FRMD4B: variants seen among roughly 807,000 people sequenced by gnomAD.
FRMD4B encodes FERM domain containing 4B, also known as FERM domain-containing protein 4B.
A neutral mutation model predicts 141.5 loss-of-function variants in FRMD4B; 74 were observed. The observed-to-expected ratio is 0.52, with a 90% CI of 0.43 to 0.63. The LOEUF is 0.63. FRMD4B is among the 30% of genes least tolerant of loss of function. The pLI is 0.00. For synonymous variants in FRMD4B, 506 were observed against 467.9 expected (o/e 1.08, Z -1.05); for missense variants, 1,366 against 1,253.4 (o/e 1.09, Z -1.36).
intron 1 of FRMD4B, among the ~76,000 whole-genome samples, chr3:69,358,192 C>T (rs991138980): frequency 6.6e-6 from 1 of 152,178 alleles, no homozygotes; most frequent in Non-Finnish European, 1.5e-5. Flanking sequence ...CTTAAATTTG[C>T]ATTCACTGCA....
intron 1 of FRMD4B, among the ~76,000 whole-genome samples, chr3:69,454,383 T>G (rs908323612): frequency 1.3e-5 from 2 of 152,160 alleles, no homozygotes; most frequent in African/African-American, 4.8e-5. Context: ...GGAGCCCCTC[T>G]CTCTGGGCTG....
At chr3:69,393,144 CACT>C (rs922536970) in intron 2 of FRMD4B, among the ~76,000 whole-genome samples, 2 of 152,118 alleles carry the variant, frequency 1.3e-5, no homozygotes, top group African/African-American at 2.4e-5. Flanking sequence ...ATATATCCAC[CACT>C]AAGGCACCTA....
intron 1 of FRMD4B, among the ~76,000 whole-genome samples, chr3:69,501,231 T>C (rs975124429): frequency 6.8e-6 from 1 of 146,456 alleles, no homozygotes; most frequent in Non-Finnish European, 1.5e-5. Context: ...GGACCTTCTT[T>C]TTTTTTTTTT....
At chr3:69,407,941 G>C (rs1457365268) in intron 2 of FRMD4B, among the ~76,000 whole-genome samples, 2 of 152,110 alleles carry the variant, frequency 1.3e-5, no homozygotes, top group Non-Finnish European at 2.9e-5. Context: ...AAGGAGTTAG[G>C]GGGTCACGGA....
chr3:69,370,043 G>A (rs1010526829), intron 1 of FRMD4B, among the ~76,000 whole-genome samples: 2 of 151,780 alleles, frequency 1.3e-5, no homozygotes, highest in African/African-American at 4.8e-5. Flanking sequence ...CCAAAGAGTT[G>A]GGGAAAGCAA....
Position 69,221,714 on chromosome 3 carries a change from GA to G in FRMD4B, c.731+143del, listed in dbSNP as rs1452907899. 9 of 628,476 alleles carry G rather than the reference GA, an allele frequency of 1.4e-5. 1 individual carries two copies. The highest frequency in any genetic ancestry group is 5.5e-5 in the African/African-American group (3 of 54,568). 38.9% of individuals were successfully genotyped at this position (628,476 alleles called of 1,614,324 possible). A position where few individuals can be genotyped will look rare whatever the true frequency, so the allele number is the denominator to read the frequency against. ...GGTGACACCAATGTATAGAATGACC[GA>G]AGACATTTTCTAATTCACAGTAAGA... On this transcript the variant is annotated intron_variant, in intron 9 of 22. Transcript: ENST00000398540.
intron 1 of FRMD4B, among the ~76,000 whole-genome samples, chr3:69,521,888 C>G (rs534261234): frequency 2.6e-5 from 4 of 152,332 alleles, no homozygotes; most frequent in East Asian, 1.9e-4. Context: ...TACCTCCCCA[C>G]GTTGCACCCT....
chr3:69,371,551 G>A (rs1369710467), intron 1 of FRMD4B, among the ~76,000 whole-genome samples: 1 of 152,142 alleles, frequency 6.6e-6, no homozygotes, highest in Non-Finnish European at 1.5e-5. Flanking sequence ...TGCAGGGGCG[G>A]TTGGCATTTG....
intron 21 of FRMD4B, among the ~76,000 whole-genome samples, chr3:69,177,960 C>T (rs1406770104): frequency 6.6e-6 from 1 of 152,134 alleles, no homozygotes; most frequent in Non-Finnish European, 1.5e-5. Context: ...GTAAGTAGCA[C>T]AGGAAGGAAT....
At chr3:69,375,658 A>G (rs2106653710) in intron 1 of FRMD4B, among the ~76,000 whole-genome samples, 2 of 20,162 alleles carry the variant, frequency 9.9e-5, no homozygotes, top group East Asian at 5.2e-3. Flanking sequence ...TTTATGTGTC[A>G]TTTCTCTTAA....
chr3:69,376,468 C>G (rs900668), intron 1 of FRMD4B, among the ~76,000 whole-genome samples: 141,891 of 152,000 alleles, frequency 0.93, 66,221 homozygotes, highest in East Asian at 0.96. Context: ...GTAGCTGTTA[C>G]TCAAGTCAAG....
intron 2 of FRMD4B, among the ~76,000 whole-genome samples, chr3:69,311,661 T>C (rs969619405): frequency 6.6e-6 from 1 of 152,188 alleles, no homozygotes; most frequent in African/African-American, 2.4e-5. Flanking sequence ...AATACTCTTT[T>C]ATATGTAACG....
chr3:69,533,432 A>T (rs1265757097), intron 1 of FRMD4B, among the ~76,000 whole-genome samples: 1 of 152,202 alleles, frequency 6.6e-6, no homozygotes, highest in African/African-American at 2.4e-5. Flanking sequence ...CTTCTGCAGA[A>T]TGTGGGTTAT....
intron 5 of FRMD4B, chr3:69,250,322 T>TGTGTGTGTGTGTG: frequency 8.2e-6 from 4 of 486,504 alleles, no homozygotes; most frequent in South Asian, 2.7e-5. Context: ...TGTGTGTCTA[T>TGTGTGTGTGTGTG]TTTAAATAGC....
In FRMD4B at chr3:69,254,954, C is replaced by A. The variant is rs191182282; in HGVS notation, c.502-4855G>T. ...TGTAAAACATCTGGCTCATGCTCTTCCAAAATGCCAATATGATGAATATGA... is the reference window on the plus strand; with the variant it reads ...TGTAAAACATCTGGCTCATGCTCTTACAAAATGCCAATATGATGAATATGA... On this transcript the variant is annotated intron_variant, in intron 5 of 22. Transcript: ENST00000398540. Among the ~76,000 whole-genome samples the A allele has an allele frequency of 3.9e-5, 6 of 152,052 alleles. No individual in the cohort carries two copies. In the East Asian group the frequency reaches 1.2e-3, roughly 29 times the overall value.
At chr3:69,382,727 CTTTTTTTT>C (rs5849898) in intron 1 of FRMD4B, among the ~76,000 whole-genome samples, 5 of 133,108 alleles carry the variant, frequency 3.8e-5, no homozygotes, top group Non-Finnish European at 8.1e-5. Flanking sequence ...TAAACTGGGA[CTTTTTTTT>C]TTTTTTTTTT....
chr3:69,404,850 G>A (rs11919150), intron 2 of FRMD4B, among the ~76,000 whole-genome samples: 14 of 152,130 alleles, frequency 9.2e-5, no homozygotes, highest in Non-Finnish European at 1.6e-4. Context: ...TTATACTCAG[G>A]TATGGTTACC....
intron 11 of FRMD4B, chr3:69,200,737 T>C (rs111648423): frequency 2.0e-6 from 2 of 1,015,616 alleles, no homozygotes; most frequent in African/African-American, 3.8e-5. Flanking sequence ...TCCTAGGAAG[T>C]AAGTTGCTTT....
chr3:69,403,649 G>A (rs1704604011), intron 2 of FRMD4B, among the ~76,000 whole-genome samples: 1 of 152,128 alleles, frequency 6.6e-6, no homozygotes, highest in Non-Finnish European at 1.5e-5. Context: ...GGTTTTGGAA[G>A]TATAGAAAGC....
Sources: gnomAD v4.1 joint callset for allele counts (sites outside exome capture counted in the v4.1 genomes callset) on GRCh38, gnomAD v4.1.1 for gene constraint, MANE v1.5 for transcripts, NCBI Gene and HGNC (gene_info 2026-07-23, HGNC 2026-07-21) for gene names.